NRG1: variants seen among roughly 807,000 people sequenced by gnomAD.
NRG1 encodes the protein pro-neuregulin-1, membrane-bound isoform.
In NRG1, 18 loss-of-function variants were observed where a neutral mutation model predicts 63.8. The ratio of observed to expected loss-of-function variants is 0.28; its 90% CI spans 0.19 to 0.42. NRG1 has a LOEUF of 0.42. Ranked by LOEUF, NRG1 falls within the 10% of genes least tolerant of loss-of-function variation. NRG1 has a pLI of 1.00. For missense variants in NRG1, 762 were observed against 814.7 expected (o/e 0.94, Z 0.79); for synonymous variants, 302 against 301.3 (o/e 1.00, Z -0.02).
intron 1 of NRG1, among the ~76,000 whole-genome samples, chr8:32,212,257 A>G (rs764634466): frequency 6.6e-6 from 1 of 152,200 alleles, no homozygotes; most frequent in Non-Finnish European, 1.5e-5. Context: ...CCATATGGAA[A>G]TTAAATAATA....
chr8:32,749,320 G>A, intron 7 of NRG1: 3 of 581,510 alleles, frequency 5.2e-6, no homozygotes, highest in Non-Finnish European at 9.1e-6. Flanking sequence ...TCTTTTAAGG[G>A]TTAATAAAGA....
chr8:32,367,183 T>C (rs1412491893), intron 1 of NRG1, among the ~76,000 whole-genome samples: 1 of 152,186 alleles, frequency 6.6e-6, no homozygotes, highest in Admixed American at 6.5e-5. Context: ...GATATGATAG[T>C]TCTACTTTTA....
chr8:32,083,211 G>A (rs1827737476), intron 1 of NRG1, among the ~76,000 whole-genome samples: 2 of 152,142 alleles, frequency 1.3e-5, no homozygotes, highest in South Asian at 4.1e-4. Flanking sequence ...ACACAAAGTT[G>A]AATGAATAAT....
chr8:32,741,525 G>C (rs1359888523), intron 6 of NRG1, among the ~76,000 whole-genome samples: 1 of 152,004 alleles, frequency 6.6e-6, no homozygotes, highest in Admixed American at 6.6e-5. Context: ...GACTTCTATT[G>C]TTTAATGACT....
chr8:31,830,378 C>G (rs551293153), intron 1 of NRG1, among the ~76,000 whole-genome samples: 1 of 138,270 alleles, frequency 7.2e-6, no homozygotes, highest in South Asian at 2.2e-4. Context: ...TCCCTCCTTC[C>G]CTCCTTCCCT....
At chr8:32,182,797 A>G (rs903992026) in intron 1 of NRG1, among the ~76,000 whole-genome samples, 2 of 152,212 alleles carry the variant, frequency 1.3e-5, no homozygotes, top group Non-Finnish European at 2.9e-5. Flanking sequence ...CTGTGAAAAA[A>G]AAATCTCCTA....
At chr8:31,745,978 A>G (rs967786879) in intron 1 of NRG1, among the ~76,000 whole-genome samples, 4 of 151,894 alleles carry the variant, frequency 2.6e-5, no homozygotes, top group African/African-American at 9.7e-5. Flanking sequence ...ACAGAAGAAT[A>G]ATTTGTGCTG....
chr8:32,535,605 G>C (rs991570782), intron 1 of NRG1, among the ~76,000 whole-genome samples: 1 of 152,110 alleles, frequency 6.6e-6, no homozygotes, highest in African/African-American at 2.4e-5. Context: ...CTGTGAATCT[G>C]GCTGATGGTC....
intron 1 of NRG1, among the ~76,000 whole-genome samples, chr8:32,557,026 G>A (rs1835306327): frequency 6.6e-6 from 1 of 151,940 alleles, no homozygotes; most frequent in Non-Finnish European, 1.5e-5. Flanking sequence ...TTTTTTTTGA[G>A]ACTAAGTCTT....
intron 1 of NRG1, among the ~76,000 whole-genome samples, chr8:32,168,085 C>A (rs1001895113): frequency 1.3e-5 from 2 of 152,116 alleles, no homozygotes; most frequent in African/African-American, 4.8e-5. Context: ...GATTCCTCAC[C>A]ATGCTAACAC....
intron 1 of NRG1, among the ~76,000 whole-genome samples, chr8:31,728,833 G>T (rs1813721110): frequency 3.3e-5 from 5 of 152,136 alleles, no homozygotes; most frequent in Admixed American, 3.3e-4. Context: ...ATAAAACTCA[G>T]GGTCATATAA....
At chr8:31,662,348 T>A (rs1273071544) in intron 1 of NRG1, among the ~76,000 whole-genome samples, 1 of 152,152 alleles carries the variant, frequency 6.6e-6, no homozygotes, top group Non-Finnish European at 1.5e-5. Context: ...CCTTAAAAAG[T>A]AAGTAAATAA....
intron 1 of NRG1, among the ~76,000 whole-genome samples, chr8:32,161,845 A>T (rs1441020729): frequency 6.6e-6 from 1 of 152,150 alleles, no homozygotes; most frequent in Non-Finnish European, 1.5e-5. Flanking sequence ...GTGAGAGAAA[A>T]AAGCATGTAC....
intron 5 of NRG1, among the ~76,000 whole-genome samples, chr8:32,633,733 A>G (rs561809583): frequency 1.6e-4 from 24 of 152,170 alleles, no homozygotes; most frequent in Non-Finnish European, 2.9e-4. Context: ...AACGATTGCA[A>G]TCTCTTTCCC....
chr8:32,051,352 A>G (rs931336386), intron 1 of NRG1, among the ~76,000 whole-genome samples: 3 of 152,194 alleles, frequency 2.0e-5, no homozygotes, highest in Non-Finnish European at 4.4e-5. Flanking sequence ...GAGACAGATA[A>G]GGAAGCATAT....
At chr8:32,259,432 C>T (rs771432241) in intron 1 of NRG1, among the ~76,000 whole-genome samples, 2 of 152,142 alleles carry the variant, frequency 1.3e-5, no homozygotes, top group African/African-American at 2.4e-5. Context: ...CTTCAGTGCT[C>T]ACTTCATCCT....
chr8:31,717,599 C>T (rs1812485949), intron 1 of NRG1, among the ~76,000 whole-genome samples: 1 of 152,056 alleles, frequency 6.6e-6, no homozygotes, highest in Admixed American at 6.6e-5. Flanking sequence ...GGCATACTCA[C>T]TTCCCTAAGA....
At chr8:31,948,092 ACACATATG>A (rs1198376653) in intron 1 of NRG1, among the ~76,000 whole-genome samples, 2 of 152,154 alleles carry the variant, frequency 1.3e-5, no homozygotes, top group African/African-American at 4.8e-5. Context: ...GCACATATAC[ACACATATG>A]CACATATGTA....
chr8:32,315,440 A>G (rs902012718), intron 1 of NRG1, among the ~76,000 whole-genome samples: 10 of 152,142 alleles, frequency 6.6e-5, no homozygotes, highest in Non-Finnish European at 1.3e-4. Flanking sequence ...ATAGTATTCT[A>G]TGGTATATAT....
Sources: gnomAD v4.1 joint callset for allele counts (sites outside exome capture counted in the v4.1 genomes callset) on GRCh38, gnomAD v4.1.1 for gene constraint, MANE v1.5 for transcripts, NCBI Gene and HGNC (gene_info 2026-07-23, HGNC 2026-07-21) for gene names.